The following BMPR1B variants were observed in gnomAD, a reference collection of about 807,000 sequenced individuals.
BMPR1B encodes the protein bone morphogenetic protein receptor type 1B, also known as bone morphogenetic protein receptor type-1B.
BMPR1B carries 12 observed loss-of-function variants against 59.1 expected under a neutral mutation model. The ratio of observed to expected loss-of-function variants is 0.20; its 90% CI spans 0.13 to 0.33. BMPR1B has a LOEUF of 0.33. Ranked by LOEUF, BMPR1B falls within the 10% of genes least tolerant of loss-of-function variation. The pLI is 1.00. For missense variants in BMPR1B, 550 were observed against 610.9 expected (o/e 0.90, Z 1.05); for synonymous variants, 237 against 207.3 (o/e 1.14, Z -1.23).
At chr4:94,892,449 G>A (rs1727436677) in intron 2 of BMPR1B, among the ~76,000 whole-genome samples, 1 of 152,056 alleles carries the variant, frequency 6.6e-6, no homozygotes, top group Non-Finnish European at 1.5e-5. Flanking sequence ...TCTCATAGTT[G>A]AGCTGTTGTT....
At chr4:95,077,068 C>A (rs946934430) in intron 3 of BMPR1B, among the ~76,000 whole-genome samples, 1 of 151,974 alleles carries the variant, frequency 6.6e-6, no homozygotes. Context: ...GGAAGGAGAT[C>A]AGAGAGTATT....
chr4:94,846,754 T>A (rs2148942184), intron 1 of BMPR1B, among the ~76,000 whole-genome samples: 1 of 151,884 alleles, frequency 6.6e-6, no homozygotes, highest in East Asian at 1.9e-4. Context: ...TTCCATTAGT[T>A]CTGTCCTTCT....
At chr4:95,026,916 C>A (rs1019489184) in intron 3 of BMPR1B, among the ~76,000 whole-genome samples, 7 of 151,678 alleles carry the variant, frequency 4.6e-5, no homozygotes, top group Admixed American at 1.3e-4. Flanking sequence ...ATGCCACCAC[C>A]AGTGGCTAAT....
chr4:94,950,728 G>T (rs6826710), intron 2 of BMPR1B, among the ~76,000 whole-genome samples: 81,426 of 151,990 alleles, frequency 0.54, 22,401 homozygotes, highest in South Asian at 0.64. Context: ...GTAGCATGAT[G>T]CCTCCAGTTT....
chr4:95,078,844 A>G (rs1728901007), intron 3 of BMPR1B, among the ~76,000 whole-genome samples: 1 of 152,062 alleles, frequency 6.6e-6, no homozygotes, highest in African/African-American at 2.4e-5. Context: ...TGCAGCCTCA[A>G]CCTCCTGGGC....
At chr4:94,932,883 T>G (rs1490713879) in intron 2 of BMPR1B, among the ~76,000 whole-genome samples, 1 of 152,156 alleles carries the variant, frequency 6.6e-6, no homozygotes, top group Non-Finnish European at 1.5e-5. Flanking sequence ...AAAGTTCTGA[T>G]TCATCCTGTA....
At chr4:94,806,781 G>A (rs1418078396) in intron 1 of BMPR1B, among the ~76,000 whole-genome samples, 1 of 152,106 alleles carries the variant, frequency 6.6e-6, no homozygotes, top group Admixed American at 6.5e-5. Context: ...GTCCCAAATA[G>A]TGTGTGGGAC....
At chr4:94,975,157 AG>A (rs1212582045) in intron 2 of BMPR1B, among the ~76,000 whole-genome samples, 1 of 152,016 alleles carries the variant, frequency 6.6e-6, no homozygotes, top group Non-Finnish European at 1.5e-5. Context: ...GGTGAGTAGG[AG>A]GGGCATGTGT....
chr4:95,047,172 A>T (rs953597529), intron 3 of BMPR1B, among the ~76,000 whole-genome samples: 1 of 152,182 alleles, frequency 6.6e-6, no homozygotes, highest in African/African-American at 2.4e-5. Context: ...GGGGCTGTAT[A>T]TGTGTCACAG....
intron 1 of BMPR1B, among the ~76,000 whole-genome samples, chr4:94,860,772 G>A (rs1233710815): frequency 6.6e-6 from 1 of 152,060 alleles, no homozygotes; most frequent in Non-Finnish European, 1.5e-5. Context: ...GACATTTCTG[G>A]TGCCAGTGCA....
Position 94,864,713 on chromosome 4 carries a change from C to T in BMPR1B, c.-182-11118C>T, listed in dbSNP as rs72669093. On this transcript the variant is annotated intron_variant, in intron 1 of 12. Coordinates refer to ENST00000515059, the MANE Select transcript of BMPR1B (RefSeq NM_001203.3). ...AAGCTTAAGGTAAAAACTTTTAATACCCAATACAACGTAAATGTTATGTAA... is the reference window on the plus strand; with the variant it reads ...AAGCTTAAGGTAAAAACTTTTAATATCCAATACAACGTAAATGTTATGTAA... Among the ~76,000 whole-genome samples, 460 of 152,102 alleles carry T rather than the reference C, an allele frequency of 3.0e-3. 2 individuals carry two copies. Among genetic ancestry groups the T allele is most frequent in the Non-Finnish European group, 5.6e-3 (378 of 68,004 alleles).
intron 1 of BMPR1B, among the ~76,000 whole-genome samples, chr4:94,875,403 G>T (rs1014893992): frequency 6.6e-6 from 1 of 152,174 alleles, no homozygotes; most frequent in African/African-American, 2.4e-5. Flanking sequence ...TAACAAATGA[G>T]GCTGGACGTG....
chr4:95,009,261 C>G (rs1040222095), intron 3 of BMPR1B, among the ~76,000 whole-genome samples: 1 of 152,150 alleles, frequency 6.6e-6, no homozygotes, highest in African/African-American at 2.4e-5. Context: ...AATTCTACCC[C>G]TAGGTATATA....
At position 94,911,527 on chromosome 4, in the gene BMPR1B, C is replaced by T. The variant is rs141350515; in HGVS notation, c.-113+35627C>T. 3.7e-4 allele frequency among the ~76,000 whole-genome samples: 56 copies of T among 152,168 alleles called. No individual in the cohort carries two copies. The East Asian group carries it at 5.6e-3, about 15-fold the overall frequency. On this transcript the variant is annotated intron_variant, in intron 2 of 12. Transcript: ENST00000515059. ...TTGCAGTACATGGGCTTTATGTTTC[C>T]GGGAGTCCTCTAGTAGCTGTGGTCT... is the stretch of plus-strand genomic sequence containing the variant.
intron 1 of BMPR1B, among the ~76,000 whole-genome samples, chr4:94,853,432 A>C (rs17022351): frequency 0.21 from 31,762 of 152,098 alleles, 3,499 homozygotes; most frequent in African/African-American, 0.24. Context: ...TTTTTGATCA[A>C]AGATGCAGGT....
At chr4:94,935,032 C>CT (rs1428271565) in intron 2 of BMPR1B, among the ~76,000 whole-genome samples, 1 of 152,078 alleles carries the variant, frequency 6.6e-6, no homozygotes, top group Non-Finnish European at 1.5e-5. Context: ...GAACTTGAAA[C>CT]TTGAATGACA....
Position 95,152,663 on chromosome 4 carries a change from C to T in BMPR1B, c.1273C>T (p.Leu425Phe). The T allele has an allele frequency of 1.3e-6, 2 of 1,562,760 alleles. No homozygotes were observed. Among genetic ancestry groups the T allele is most frequent in the South Asian group, 1.2e-5 (1 of 84,680 alleles). The change falls in exon 12 of 13, where the codon CTT (leucine) becomes TTT (phenylalanine). Residue 425 changes from leucine to phenylalanine, a missense_variant. Physicochemically the swap from Leu to Phe is conservative, Grantham distance 22. This residue lies in a region of BMPR1B where 123 missense variants were observed against 164.6 expected (regional missense o/e 0.75). Transcript: ENST00000515059. ...TTTAGGTATAGTGGAAGAATACCAGCTTCCTTATCATGACCTAGTGCCCAG... is the reference window on the plus strand; with the variant it reads ...TTTAGGTATAGTGGAAGAATACCAGTTTCCTTATCATGACCTAGTGCCCAG... The part of the protein sequence containing the change: ...VSGGIVEEYQ[L>F]PYHDLVPSDP...
chr4:95,123,741 A>G (rs1231550021), intron 6 of BMPR1B, 69 bp from the exon 7 acceptor site: 1 of 1,214,414 alleles, frequency 8.2e-7, no homozygotes, highest in African/African-American at 1.5e-5. Context: ...ACCTTTAGGA[A>G]AGAGTTACTT....
intron 6 of BMPR1B, among the ~76,000 whole-genome samples, chr4:95,120,642 C>CTTCT (rs1234800270): frequency 6.8e-6 from 1 of 148,060 alleles, no homozygotes. Context: ...TCCTTCCTTC[C>CTTCT]TTCCTTCCTT....
Sources: gnomAD v4.1 joint callset for allele counts (sites outside exome capture counted in the v4.1 genomes callset) on GRCh38, gnomAD v4.1.1 for gene constraint, gnomAD v4.1.1 regional missense constraint, MANE v1.5 for transcripts, NCBI Gene and HGNC (gene_info 2026-07-23, HGNC 2026-07-21) for gene names.